TMEM164: variants seen among roughly 807,000 people sequenced by gnomAD.
The protein encoded by TMEM164 is transmembrane protein 164.
TMEM164 carries 4 observed loss-of-function variants against 18.8 expected under a neutral mutation model. The ratio of observed to expected loss-of-function variants is 0.21; its 90% CI spans 0.10 to 0.49. TMEM164 has a LOEUF of 0.49. Among genes scored for constraint, TMEM164 ranks in the 20% least tolerant of loss-of-function variants. The probability of loss-of-function intolerance (pLI) is 0.98; values close to 1 mark genes in which losing one functional copy is unlikely to be tolerated. For synonymous variants in TMEM164, 86 were observed against 101.7 expected, an observed-to-expected ratio of 0.85 and a Z score of 0.93; for missense variants, 108 against 239.9, an observed-to-expected ratio of 0.45 and a Z score of 3.63.
intron 2 of TMEM164, among the ~76,000 whole-genome samples, chrX:110,041,766 A>G (rs1440725623): frequency 9.0e-6 from 1 of 111,715 alleles, no homozygotes; most frequent in Non-Finnish European, 1.9e-5. Context: ...AAGTTAAGGT[A>G]TATTTAACAT....
At chrX:110,096,560 G>A (rs933999409) in intron 3 of TMEM164, among the ~76,000 whole-genome samples, 13 of 112,270 alleles carry the variant, frequency 1.2e-4, no homozygotes, top group Middle Eastern at 4.2e-3. Flanking sequence ...GGGTGGGAGT[G>A]TCCCAATTTT....
At chrX:110,056,678 A>G (rs1470428258) in intron 2 of TMEM164, among the ~76,000 whole-genome samples, 1 of 111,360 alleles carries the variant, frequency 9.0e-6, no homozygotes, top group Non-Finnish European at 1.9e-5. Context: ...AAGGGTTCCA[A>G]TTTCTCCACA....
In TMEM164 at chrX:110,003,690, T is replaced by G; in HGVS notation, c.-85T>G. 9.3e-7 allele frequency: 1 copy of G among 1,075,977 alleles called. No individual in the cohort carries two copies. The highest frequency in any genetic ancestry group is 2.2e-5 in the South Asian group (1 of 45,801). 88.7% of individuals were successfully genotyped at this position (1,075,977 alleles called of 1,213,427 possible). ...GTTGTGGGGGTGTGCCCGCCTTACA[T>G]GGTCCACCACCCGGGCAACCCTCTG... is the stretch of plus-strand genomic sequence containing the variant. On this transcript the variant is annotated 5_prime_UTR_variant, in exon 2 of 7. An upstream start codon of the reference 5' UTR is lost. Transcript: ENST00000372068.
chrX:110,120,373 C>A (rs913786880), intron 4 of TMEM164, among the ~76,000 whole-genome samples: 1 of 112,479 alleles, frequency 8.9e-6, no homozygotes, highest in African/African-American at 3.2e-5. Context: ...TGCTTCCACT[C>A]CTTAGTCTGT....
intron 2 of TMEM164, among the ~76,000 whole-genome samples, chrX:110,021,521 G>C (rs926879423): frequency 9.0e-6 from 1 of 111,186 alleles, no homozygotes; most frequent in Non-Finnish European, 1.9e-5. Flanking sequence ...GTGTGTGTTT[G>C]TATGTGTGTG....
intron 4 of TMEM164, among the ~76,000 whole-genome samples, chrX:110,142,188 C>T (rs1193179992): frequency 8.9e-6 from 1 of 112,160 alleles, no homozygotes; most frequent in African/African-American, 3.2e-5. Flanking sequence ...GGGCACCAGA[C>T]AGTAGGCAGA....
At chrX:110,056,085 A>G (rs997290111) in intron 2 of TMEM164, among the ~76,000 whole-genome samples, 1 of 111,608 alleles carries the variant, frequency 9.0e-6, no homozygotes, top group Non-Finnish European at 1.9e-5. Flanking sequence ...TTTTTAGTAT[A>G]TTCACATATA....
chrX:110,011,928 C>T (rs776310423), intron 2 of TMEM164, among the ~76,000 whole-genome samples: 1 of 111,846 alleles, frequency 8.9e-6, no homozygotes, highest in East Asian at 2.8e-4. Flanking sequence ...CTCCCTTGGC[C>T]AACTAAGTGA....
rs765364635 is a variant in TMEM164 at position 110,086,190 on chromosome X, T to C, written c.440+18794T>C. On this transcript the variant is annotated intron_variant, in intron 3 of 6. Coordinates refer to ENST00000372068, the MANE Select transcript of TMEM164 (RefSeq NM_032227.4). ...GGGGAATTTTATCTTTTTCTATATC[T>C]TGATAGGTATTTGAGTGGGAAATTG... 1.1e-3 allele frequency among the ~76,000 whole-genome samples: 118 copies of C among 112,212 alleles called. 1 individual carries two copies. Among genetic ancestry groups the C allele is most frequent in the African/African-American group, 3.7e-3 (116 of 30,958 alleles).
chrX:110,035,603 A>G (rs1934756362), intron 2 of TMEM164, among the ~76,000 whole-genome samples: 1 of 109,683 alleles, frequency 9.1e-6, no homozygotes, highest in Non-Finnish European at 1.9e-5. Flanking sequence ...TCCCAGGTTC[A>G]AGCAATTCTT....
At chrX:110,168,236 C>T (rs750052063) in intron 5 of TMEM164, among the ~76,000 whole-genome samples, 23 of 113,133 alleles carry the variant, frequency 2.0e-4, no homozygotes, top group African/African-American at 7.1e-4. Flanking sequence ...GTGCCCAGTC[C>T]ACACTCATTC....
At chrX:110,118,035 C>A (rs914166832) in intron 4 of TMEM164, among the ~76,000 whole-genome samples, 2 of 111,988 alleles carry the variant, frequency 1.8e-5, no homozygotes, top group Non-Finnish European at 3.8e-5. Context: ...GCCTCAGCCT[C>A]CCAAGTAGCT....
chrX:110,172,941 C>T (rs1020111382), intron 6 of TMEM164, among the ~76,000 whole-genome samples: 15 of 111,898 alleles, frequency 1.3e-4, no homozygotes, highest in African/African-American at 4.2e-4. Flanking sequence ...AACACCTCTC[C>T]GGGGTCTAGG....
intron 5 of TMEM164, among the ~76,000 whole-genome samples, chrX:110,167,297 A>G (rs2067170333): frequency 8.9e-6 from 1 of 112,563 alleles, no homozygotes; most frequent in African/African-American, 3.2e-5. Context: ...CAATTTGCCC[A>G]AGGTCACTCC....
Position 110,023,779 on chromosome X carries a change from C to T in TMEM164, c.390+19615C>T, listed in dbSNP as rs1602490145. On this transcript the variant is annotated intron_variant, in intron 2 of 6. Coordinates refer to ENST00000372068, the MANE Select transcript of TMEM164 (RefSeq NM_032227.4). ...ATGTGTAGATCTGGCTGACTCGTTA[C>T]TGTTAGGCTAATGGAGCCTAACATG... is the stretch of plus-strand genomic sequence containing the variant. Among the ~76,000 whole-genome samples the T allele has an allele frequency of 3.8e-5, 3 of 78,663 alleles. No homozygotes were observed. The South Asian group carries it at 1.5e-3, about 40-fold the overall frequency. The allele number at this position is 78,663 out of a possible 115,157, so 68.3% of individuals were successfully genotyped here.
chrX:110,027,665 C>T (rs941461595), intron 2 of TMEM164, among the ~76,000 whole-genome samples: 1 of 110,585 alleles, frequency 9.0e-6, no homozygotes, highest in South Asian at 3.8e-4. Context: ...GAGGCTGAGA[C>T]AGGAGAATTG....
chrX:110,136,765 C>T (rs1189130162), intron 4 of TMEM164, among the ~76,000 whole-genome samples: 1 of 111,887 alleles, frequency 8.9e-6, no homozygotes, highest in Non-Finnish European at 1.9e-5. Context: ...TTCCCTCCCA[C>T]CTGCTTCCAG....
chrX:110,156,849 T>A (rs1382467257), intron 5 of TMEM164, among the ~76,000 whole-genome samples: 12 of 110,869 alleles, frequency 1.1e-4, no homozygotes, highest in Non-Finnish European at 2.3e-4. Context: ...CCTAATCAGC[T>A]CCTAAAGGCT....
At chrX:110,011,312 G>T (rs1932991954) in intron 2 of TMEM164, among the ~76,000 whole-genome samples, 1 of 111,971 alleles carries the variant, frequency 8.9e-6, no homozygotes, top group Admixed American at 9.5e-5. Flanking sequence ...ACAAAGCATA[G>T]GGGACAGGGG....
Sources: gnomAD v4.1 joint callset for allele counts (sites outside exome capture counted in the v4.1 genomes callset) on GRCh38, gnomAD v4.1.1 for gene constraint, MANE v1.5 for transcripts, NCBI Gene and HGNC (gene_info 2026-07-23, HGNC 2026-07-21) for gene names.